BTNL8: variants seen among roughly 807,000 people sequenced by gnomAD.
BTNL8 encodes the protein butyrophilin-like protein 8.
Under a neutral mutation model 36.1 loss-of-function variants are expected in BTNL8, and 22 were observed. The ratio of observed to expected loss-of-function variants is 0.61; its 90% confidence interval spans 0.44 to 0.87. The LOEUF (loss-of-function observed/expected upper bound fraction) is 0.87. BTNL8 is among the 40% of genes least tolerant of loss of function. BTNL8 has a pLI of 0.00. For synonymous variants in BTNL8, 203 were observed against 235.6 expected (o/e 0.86, Z 1.27); for missense variants, 526 against 616.9 (o/e 0.85, Z 1.56).
rs1581997293 is a variant in BTNL8 at position 180,899,200 on chromosome 5, G to A, written c.-111G>A. On this transcript the variant is annotated 5_prime_UTR_variant, in exon 1 of 8. The change creates a new upstream start codon in the 5' untranslated region. Coordinates refer to ENST00000340184, the MANE Select transcript of BTNL8 (RefSeq NM_001040462.3). ...CCCTCCGCTCACGCAGAGCCTCTCCGTGGCTTCCGCACCTTGAGCATTAGG... is the reference window on the plus strand; with the variant it reads ...CCCTCCGCTCACGCAGAGCCTCTCCATGGCTTCCGCACCTTGAGCATTAGG... 6.1e-6 allele frequency: 8 copies of A among 1,319,624 alleles called. No homozygotes were observed. In the East Asian group the frequency reaches 1.2e-4, roughly 19 times the overall value. The allele number at this position is 1,319,624 out of a possible 1,614,324, so 81.7% of individuals were successfully genotyped here. A position where few individuals can be genotyped will look rare whatever the true frequency, so the allele number is the denominator to read the frequency against.
chr5:180,909,475 G>T, intron 2 of BTNL8: 1 of 914,892 alleles, frequency 1.1e-6, no homozygotes, highest in Non-Finnish European at 1.3e-6. Context: ...ATCTGATACA[G>T]CAGGGAGCAA....
chr5:180,926,852 C>T (rs534062474), intron 3 of BTNL8, among the ~76,000 whole-genome samples: 1 of 152,318 alleles, frequency 6.6e-6, no homozygotes, highest in African/African-American at 2.4e-5. Context: ...CTCCCATCTC[C>T]CTGGGACAGA....
rs376641677 is a variant in BTNL8 at position 180,949,253 on chromosome 5, C to T, written c.850C>T (p.Arg284Trp). Reference protein sequence around the residue: ...KHGQAELRDARKHAVEVTLDP... With the variant: ...KHGQAELRDAWKHAVEVTLDP... Reference sequence around the variant, plus strand: ...CTTGCTTTCAGAATTGAGAGACGCCCGGAAACACGCAGGTACCAACGCCTG... The same window carrying T: ...CTTGCTTTCAGAATTGAGAGACGCCTGGAAACACGCAGGTACCAACGCCTG... The change falls in exon 7 of 8, where the codon CGG (arginine) becomes TGG (tryptophan). Residue 284 changes from arginine (R) to tryptophan (W), a missense_variant. Transcript: ENST00000340184. The T allele has an allele frequency of 2.1e-5, 30 of 1,459,940 alleles. 9 individuals are homozygous for T. The highest frequency in any genetic ancestry group is 3.8e-5 in the Admixed American group (2 of 52,834). The allele number at this position is 1,459,940 out of a possible 1,614,324, so 90.4% of individuals were successfully genotyped here. A position where few individuals can be genotyped will look rare whatever the true frequency, so the allele number is the denominator to read the frequency against.
At position 180,899,526 on chromosome 5, in the gene BTNL8, C is replaced by T. The variant is rs538492818; in HGVS notation, c.49+167C>T. ...GCGCTGTGGAAACAATTATAGTAGC[C>T]CCCAAATAATGGAAACACGGGTGTT... is the stretch of plus-strand genomic sequence containing the variant. On this transcript the variant is annotated intron_variant, in intron 1 of 7. Transcript: ENST00000340184. 1.1e-4 allele frequency among the ~76,000 whole-genome samples: 16 copies of T among 152,280 alleles called. No homozygotes were observed. In the South Asian group the frequency reaches 3.3e-3, roughly 32 times the overall value.
At chr5:180,948,787 T>C (rs2113024348) in intron 5 of BTNL8, 133 bp from the exon 6 acceptor site, 1 of 476,436 alleles carries the variant, frequency 2.1e-6, no homozygotes, top group South Asian at 2.1e-5. Context: ...CTGCTTTTTG[T>C]TTTGTGGGAA....
chr5:180,907,763 T>A (rs1179646431), intron 1 of BTNL8, among the ~76,000 whole-genome samples: 1 of 152,072 alleles, frequency 6.6e-6, no homozygotes, highest in Non-Finnish European at 1.5e-5. Flanking sequence ...TGCAGGTCTG[T>A]TGGAGTACCC....
At chr5:180,907,868 C>G (rs1348006160) in intron 1 of BTNL8, among the ~76,000 whole-genome samples, 121 of 149,394 alleles carry the variant, frequency 8.1e-4, no homozygotes, top group East Asian at 1.6e-3. Context: ...AGGAGGCAGT[C>G]TGCCAGTTCT....
At chr5:180,913,803 C>T (rs566997022) in intron 3 of BTNL8, among the ~76,000 whole-genome samples, 4 of 152,146 alleles carry the variant, frequency 2.6e-5, no homozygotes, top group Non-Finnish European at 4.4e-5. Context: ...CCATTCTCTA[C>T]GAATAACTAC....
Position 180,950,395 on chromosome 5 carries a change from C to A in BTNL8, c.1354C>A (p.Gln452Lys). The A allele has an allele frequency of 6.8e-7, 1 of 1,462,852 alleles. No homozygotes were observed. The highest frequency in any genetic ancestry group is 1.4e-5 in the African/African-American group (1 of 72,386). The allele number at this position is 1,462,852 out of a possible 1,614,324, so 90.6% of individuals were successfully genotyped here. Residue 452 changes from glutamine to lysine, a missense_variant, in exon 8 of 8, where the codon CAA becomes AAA. Physicochemically the swap from Gln to Lys is moderately conservative, Grantham distance 53. This residue lies in a region of BTNL8 where 176 missense variants were observed against 292.3 expected (regional missense o/e 0.60). Coordinates refer to ENST00000340184, the MANE Select transcript of BTNL8 (RefSeq NM_001040462.3). ...CATTGAGTATCCGTCCTATAATGAGCAAAATGGAACTCCCATAGTCATCTG... is the reference window on the plus strand; with the variant it reads ...CATTGAGTATCCGTCCTATAATGAGAAAAATGGAACTCCCATAGTCATCTG... The part of the protein sequence containing the change: ...PYIEYPSYNE[Q>K]NGTPIVICPV...
chr5:180,936,266 G>GAA (rs1758651456), intron 3 of BTNL8, among the ~76,000 whole-genome samples: 1 of 152,006 alleles, frequency 6.6e-6, no homozygotes, highest in Admixed American at 6.6e-5. Flanking sequence ...AAGAAAGAAA[G>GAA]AAAAGGTATC....
Position 180,935,097 on chromosome 5 carries a change from GT to G in BTNL8, c.674-12410del, listed in dbSNP as rs1427649984. Among the ~76,000 whole-genome samples, 1 of 152,148 alleles carries G rather than the reference GT, an allele frequency of 6.6e-6. No individual in the cohort carries two copies. Among genetic ancestry groups the G allele is most frequent in the Non-Finnish European group, 1.5e-5 (1 of 68,036 alleles). On this transcript the variant is annotated intron_variant, in intron 3 of 7. Coordinates refer to ENST00000340184, the MANE Select transcript of BTNL8 (RefSeq NM_001040462.3). The surrounding 1 kb of genome is among the most constrained non-coding windows in gnomAD (Gnocchi z 4.8). ...TCCTGATGTCTGTCTGAGTCTAGGG[GT>G]TTTTATGGGCCCAGAAGGAAGGGAG... is the stretch of plus-strand genomic sequence containing the variant.
Position 180,950,776 on chromosome 5 carries a change from G to A in BTNL8, c.*232G>A. 1 of 500,242 alleles carries A rather than the reference G, an allele frequency of 2.0e-6. No individual in the cohort carries two copies. The highest frequency in any genetic ancestry group is 3.6e-5 in the East Asian group (1 of 27,988). 31.0% of individuals were successfully genotyped at this position (500,242 alleles called of 1,614,324 possible). A position where few individuals can be genotyped will look rare whatever the true frequency, so the allele number is the denominator to read the frequency against. Reference sequence around the variant, plus strand: ...CTTGAAATACCACCTCTCAGGTGAAGAACCGTCAGGAATTCCCATCTCACA... The same window carrying A: ...CTTGAAATACCACCTCTCAGGTGAAAAACCGTCAGGAATTCCCATCTCACA... On this transcript the variant is annotated 3_prime_UTR_variant, in exon 8 of 8. Transcript: ENST00000340184.
chr5:180,908,574 G>A lies in BTNL8; in HGVS notation c.50-12G>A, dbSNP rs768415975. ...GGTTTTGATGATTTATCTTTTGTATGTCTTCCCACAGGGCAGTGGCAGGTG... is the reference window on the plus strand; with the variant it reads ...GGTTTTGATGATTTATCTTTTGTATATCTTCCCACAGGGCAGTGGCAGGTG... On this transcript the variant is annotated splice_polypyrimidine_tract_variant and intron_variant, in intron 1 of 7. Coordinates refer to ENST00000340184, the MANE Select transcript of BTNL8 (RefSeq NM_001040462.3). 2.5e-6 allele frequency: 4 copies of A among 1,611,582 alleles called. No individual in the cohort carries two copies. In the African/African-American group the frequency reaches 5.3e-5, roughly 22 times the overall value.
rs756360979 is a variant in BTNL8, at chr5:180,947,505, T to G, written c.674-7T>G. 14 of 1,612,558 alleles carry G rather than the reference T, an allele frequency of 8.7e-6. No homozygotes were observed. The highest frequency in any genetic ancestry group is 1.2e-5 in the Non-Finnish European group (14 of 1,178,646). The stretch of plus-strand genomic sequence containing the variant: ...ATAACTAAAATGTCTGTGGGATTGT[T>G]TTTCAGATACCTTTTTCGAGCCTAT... On this transcript the variant is annotated splice_polypyrimidine_tract_variant and splice_region_variant and intron_variant, in intron 3 of 7. Coordinates refer to ENST00000340184, the MANE Select transcript of BTNL8 (RefSeq NM_001040462.3).
Position 180,950,505 on chromosome 5 carries a change from A to G in BTNL8, c.1464A>G (p.Ser488=), listed in dbSNP as rs765727729. The G allele has an allele frequency of 2.7e-6, 4 of 1,463,190 alleles. 1 individual carries two copies. Among genetic ancestry groups the G allele is most frequent in the Non-Finnish European group, 3.8e-6 (4 of 1,059,128 alleles). The allele number at this position is 1,463,190 out of a possible 1,614,324, so 90.6% of individuals were successfully genotyped here. The change falls in exon 8 of 8, where the codon TCA becomes TCG. Residue 488 remains serine (S), a synonymous_variant. Coordinates refer to ENST00000340184, the MANE Select transcript of BTNL8 (RefSeq NM_001040462.3). The part of the protein sequence containing the change: ...IPETSNSESS[S]QATTPFLPRG... ...AGACAAGCAACAGTGAGTCCTCCTC[A>G]CAGGCAACCACGCCCTTCCTCCCCA...
chr5:180,923,407 T>C (rs970797846), intron 3 of BTNL8, among the ~76,000 whole-genome samples: 10 of 152,176 alleles, frequency 6.6e-5, no homozygotes, highest in African/African-American at 2.4e-4. Flanking sequence ...TCTCTATAGA[T>C]GTTAATAAAA....
At chr5:180,912,238 C>T (rs139217112) in intron 3 of BTNL8, among the ~76,000 whole-genome samples, 5 of 152,226 alleles carry the variant, frequency 3.3e-5, no homozygotes, top group Admixed American at 1.3e-4. Context: ...GTTCTCAGGT[C>T]TTCTGGTTTC....
chr5:180,925,512 T>A (rs1758053789), intron 3 of BTNL8, among the ~76,000 whole-genome samples: 1 of 152,218 alleles, frequency 6.6e-6, no homozygotes, highest in African/African-American at 2.4e-5. Context: ...ATTCAAAGTG[T>A]TGAAGGAAAA....
At chr5:180,926,541 C>T (rs756850636) in intron 3 of BTNL8, among the ~76,000 whole-genome samples, 4 of 152,184 alleles carry the variant, frequency 2.6e-5, no homozygotes, top group African/African-American at 4.8e-5. Flanking sequence ...GGATCCCACC[C>T]CCATGGAGCC....
Sources: gnomAD v4.1 joint callset for allele counts (sites outside exome capture counted in the v4.1 genomes callset) on GRCh38, gnomAD v4.1.1 for gene constraint, gnomAD v4.1.1 regional missense constraint, Gnocchi (gnomAD v3.1) non-coding constraint, MANE v1.5 for transcripts, NCBI Gene and HGNC (gene_info 2026-07-23, HGNC 2026-07-21) for gene names.